FGF2: variants seen among roughly 807,000 people sequenced by gnomAD.
FGF2 encodes the protein fibroblast growth factor 2, also known as basic fibroblast growth factor bFGF.
A neutral mutation model predicts 15.9 loss-of-function variants in FGF2; 13 were observed. The ratio of observed to expected loss-of-function variants is 0.82; its 90% CI spans 0.53 to 1.30. The LOEUF is 1.30. Among genes scored for constraint, FGF2 ranks in the 50% most tolerant of loss-of-function variants. The pLI is 0.00. For missense variants in FGF2, 163 were observed against 196.9 expected (o/e 0.83, Z 1.03); for synonymous variants, 90 against 78.4 (o/e 1.15, Z -0.78).
At chr4:122,833,442 TGTA>T in intron 1 of FGF2, among the ~76,000 whole-genome samples, 1 of 151,254 alleles carries the variant, frequency 6.6e-6, no homozygotes, top group Non-Finnish European at 1.5e-5. Flanking sequence ...AATGAAAACT[TGTA>T]ATTAAATGAT....
intron 1 of FGF2, among the ~76,000 whole-genome samples, chr4:122,856,583 AG>A (rs1412856476): frequency 6.6e-6 from 1 of 152,256 alleles, no homozygotes; most frequent in Non-Finnish European, 1.5e-5. Flanking sequence ...TTATTAAGCT[AG>A]AAGTAGAGAC....
rs1180498765 is a variant in FGF2, at chr4:122,876,177, A to C, written c.179-144A>C. 1.3e-5 allele frequency: 9 copies of C among 696,662 alleles called. No homozygotes were observed. The African/African-American group carries it at 1.6e-4, about 12-fold the overall frequency. 43.2% of individuals were successfully genotyped at this position (696,662 alleles called of 1,614,324 possible). A position where few individuals can be genotyped will look rare whatever the true frequency, so the allele number is the denominator to read the frequency against. The stretch of plus-strand genomic sequence containing the variant: ...GTTTAGTTGACATCTGCTCCCTGTC[A>C]CTCACCCATACCCCCAACCTCACCA... On this transcript the variant is annotated intron_variant, in intron 1 of 2. Transcript: ENST00000644866.
intron 1 of FGF2, among the ~76,000 whole-genome samples, chr4:122,865,172 C>G (rs932330823): frequency 8.5e-5 from 13 of 152,110 alleles, no homozygotes; most frequent in African/African-American, 2.7e-4. Flanking sequence ...TTATCTAATA[C>G]AAATATTTAA....
At position 122,844,779 on chromosome 4, in the gene FGF2, G is replaced by C. The variant is rs895655278; in HGVS notation, c.178+17427G>C. Among the ~76,000 whole-genome samples the C allele has an allele frequency of 5.3e-5, 8 of 152,028 alleles. No homozygotes were observed. In the East Asian group the frequency reaches 1.6e-3, roughly 29 times the overall value. ...AGCCTCCTGAATAGCTGAGACTACA[G>C]GTATGCACCACCACACCCAGCTATT... On this transcript the variant is annotated intron_variant, in intron 1 of 2. Coordinates refer to ENST00000644866, the MANE Select transcript of FGF2 (RefSeq NM_001361665.2).
chr4:122,865,314 C>A (rs1265908378), intron 1 of FGF2, among the ~76,000 whole-genome samples: 2 of 151,882 alleles, frequency 1.3e-5, no homozygotes, highest in Non-Finnish European at 2.9e-5. Context: ...GTTGTTGAGA[C>A]AGGGTCTTCT....
intron 1 of FGF2, among the ~76,000 whole-genome samples, chr4:122,851,443 G>T (rs1378113522): frequency 6.6e-6 from 1 of 152,170 alleles, no homozygotes; most frequent in Non-Finnish European, 1.5e-5. Context: ...CCAGAAAAGA[G>T]GGTACTTCAC....
Position 122,828,345 on chromosome 4 carries a change from C to T in FGF2, c.178+993C>T, listed in dbSNP as rs555589366. Among the ~76,000 whole-genome samples, 5 of 152,308 alleles carry T rather than the reference C, an allele frequency of 3.3e-5. No individual in the cohort carries two copies. The East Asian group carries it at 9.6e-4, about 29-fold the overall frequency. On this transcript the variant is annotated intron_variant, in intron 1 of 2. Transcript: ENST00000644866. Reference sequence around the variant, plus strand: ...GCATAAGATGAGCCGATTTACAACACTGATGGAATTTGAAGTGAGAGAAAG... The same window carrying T: ...GCATAAGATGAGCCGATTTACAACATTGATGGAATTTGAAGTGAGAGAAAG...
intron 1 of FGF2, among the ~76,000 whole-genome samples, chr4:122,852,115 A>G (rs1726244336): frequency 6.6e-6 from 1 of 152,178 alleles, no homozygotes; most frequent in Non-Finnish European, 1.5e-5. Context: ...TGTAACAAAC[A>G]TCTCAAAGCT....
At chr4:122,842,815 A>G (rs568715584) in intron 1 of FGF2, among the ~76,000 whole-genome samples, 1 of 152,344 alleles carries the variant, frequency 6.6e-6, no homozygotes, top group Non-Finnish European at 1.5e-5. Context: ...TCCTGGCTTC[A>G]TCAGTTTTAA....
intron 1 of FGF2, among the ~76,000 whole-genome samples, chr4:122,870,722 C>T (rs1479747195): frequency 6.6e-6 from 1 of 151,944 alleles, no homozygotes; most frequent in African/African-American, 2.4e-5. Context: ...CTCTTTTCTT[C>T]TTTATTAGTC....
At position 122,894,745 on chromosome 4, in the gene FGF2, G is replaced by T. The variant is rs1403478760; in HGVS notation, c.*2349G>T. 1 of 151,948 alleles carries T rather than the reference G, an allele frequency of 6.6e-6. No individual in the cohort carries two copies. The highest frequency in any genetic ancestry group is 1.5e-5 in the Non-Finnish European group (1 of 67,970). The allele number at this position is 151,948 out of a possible 1,614,324, so 9.4% of individuals were successfully genotyped here. On this transcript the variant is annotated 3_prime_UTR_variant, in exon 3 of 3. Transcript: ENST00000644866. ...TGTCCATTTTTATTCATTATGCTTTGAAAAATAATTATGGGGAAATACATG... is the reference window on the plus strand; with the variant it reads ...TGTCCATTTTTATTCATTATGCTTTTAAAAATAATTATGGGGAAATACATG...
intron 2 of FGF2, among the ~76,000 whole-genome samples, chr4:122,877,235 G>A (rs913831648): frequency 1.3e-5 from 2 of 151,602 alleles, no homozygotes; most frequent in East Asian, 1.9e-4. Context: ...TCAGCCTCCC[G>A]AGTAGCTGGG....
At chr4:122,829,813 T>A (rs1383891013) in intron 1 of FGF2, among the ~76,000 whole-genome samples, 1 of 152,220 alleles carries the variant, frequency 6.6e-6, no homozygotes, top group Non-Finnish European at 1.5e-5. Context: ...AAATTTCATC[T>A]ATTTCTATGT....
chr4:122,851,876 G>C lies in FGF2; in HGVS notation c.179-24445G>C, dbSNP rs1212463490. ...GTGCCTTACTAATTCTATGCTCTTGGGTAAGTTAATTTATTTAAATATTAG... is the reference window on the plus strand; with the variant it reads ...GTGCCTTACTAATTCTATGCTCTTGCGTAAGTTAATTTATTTAAATATTAG... On this transcript the variant is annotated intron_variant, in intron 1 of 2. Transcript: ENST00000644866. 2.6e-5 allele frequency among the ~76,000 whole-genome samples: 4 copies of C among 152,030 alleles called. No homozygotes were observed. The South Asian group carries it at 6.3e-4, about 24-fold the overall frequency.
chr4:122,830,400 T>G (rs983509839), intron 1 of FGF2, among the ~76,000 whole-genome samples: 9 of 148,916 alleles, frequency 6.0e-5, no homozygotes, highest in African/African-American at 1.7e-4. Flanking sequence ...GTTTCCAATT[T>G]TTCAGTGTTG....
At chr4:122,847,648 T>TCTAC (rs1726143348) in intron 1 of FGF2, among the ~76,000 whole-genome samples, 1 of 142,392 alleles carries the variant, frequency 7.0e-6, no homozygotes, top group South Asian at 2.1e-4. Context: ...TATCTGTCTA[T>TCTAC]CTAATCTATC....
chr4:122,865,538 A>G (rs750221594), intron 1 of FGF2, among the ~76,000 whole-genome samples: 4 of 151,986 alleles, frequency 2.6e-5, no homozygotes, highest in Non-Finnish European at 5.9e-5. Context: ...CAATCCACCC[A>G]TCTCCCAAAG....
chr4:122,855,326 G>C (rs1726318255), intron 1 of FGF2, among the ~76,000 whole-genome samples: 2 of 152,104 alleles, frequency 1.3e-5, no homozygotes, highest in Admixed American at 6.6e-5. Context: ...CTTACTTAAG[G>C]CAGCTTATAT....
At chr4:122,852,711 A>AT (rs1310698221) in intron 1 of FGF2, among the ~76,000 whole-genome samples, 2 of 152,042 alleles carry the variant, frequency 1.3e-5, no homozygotes, top group Non-Finnish European at 2.9e-5. Flanking sequence ...TAAACACAAC[A>AT]TTTTTTTCCA....
Sources: allele counts gnomAD v4.1 joint callset (sites outside exome capture counted in the v4.1 genomes callset), GRCh38; gene constraint gnomAD v4.1.1; transcripts MANE v1.5; gene names NCBI Gene and HGNC (gene_info 2026-07-23, HGNC 2026-07-21).